The following SNX4 variants were observed in gnomAD, a reference collection of about 807,000 sequenced individuals.
SNX4 encodes the protein sorting nexin-4.
Under a neutral mutation model 70.8 loss-of-function variants are expected in SNX4, and 49 were observed. That is an observed-to-expected ratio of 0.69 (90% confidence interval 0.55 to 0.88). The LOEUF is 0.88. SNX4 is among the 40% of genes least tolerant of loss of function. The probability of loss-of-function intolerance (pLI) is 0.00; values close to 1 mark genes in which losing one functional copy is unlikely to be tolerated. For missense variants in SNX4, 528 were observed against 544.8 expected (o/e 0.97, Z 0.31); for synonymous variants, 206 against 183.8 (o/e 1.12, Z -0.98).
chr3:125,458,657 A>C (rs1933788521), intron 10 of SNX4, among the ~76,000 whole-genome samples: 1 of 151,672 alleles, frequency 6.6e-6, no homozygotes, highest in Non-Finnish European at 1.5e-5. Context: ...TCTACTAAAA[A>C]TACAAAAAAA....
chr3:125,458,141 T>C (rs1012168518), intron 10 of SNX4, among the ~76,000 whole-genome samples: 1 of 151,826 alleles, frequency 6.6e-6, no homozygotes, highest in East Asian at 1.9e-4. Flanking sequence ...AAAGTTTTCT[T>C]CTTTGTGATT....
Position 125,469,507 on chromosome 3 carries a change from G to A in SNX4, c.801C>T (p.Ala267=). ...NYGRVFSEWS[A]IEKEMGDGLQ... is the part of the protein sequence containing the mutation. Reference sequence around the variant, plus strand: ...GTCCATCACCCATTTCTTTTTCTATGGCACTCCATTCACTAGGGAGTAAAA... The same window carrying A: ...GTCCATCACCCATTTCTTTTTCTATAGCACTCCATTCACTAGGGAGTAAAA... The change falls in exon 9 of 14, where the codon GCC becomes GCT. Residue 267 remains alanine, a synonymous_variant. Transcript: ENST00000251775. 1 of 1,612,396 alleles carries A rather than the reference G, an allele frequency of 6.2e-7. No homozygotes were observed. The highest frequency in any genetic ancestry group is 8.5e-7 in the Non-Finnish European group (1 of 1,178,600).
At position 125,512,710 on chromosome 3, in the gene SNX4, G is replaced by A. The variant is rs978497308; in HGVS notation, c.141+7322C>T. Among the ~76,000 whole-genome samples, 3 of 152,028 alleles carry A rather than the reference G, an allele frequency of 2.0e-5. No individual in the cohort carries two copies. The South Asian group carries it at 6.2e-4, about 32-fold the overall frequency. Reference sequence around the variant, plus strand: ...AGGTATCGCTATGTTGCCTAGGCTGGTCTCAAACTCCCGGGCTCAAGCAAT... The same window carrying A: ...AGGTATCGCTATGTTGCCTAGGCTGATCTCAAACTCCCGGGCTCAAGCAAT... On this transcript the variant is annotated intron_variant, in intron 1 of 13. Coordinates refer to ENST00000251775, the MANE Select transcript of SNX4 (RefSeq NM_003794.4).
chr3:125,456,772 T>C (rs917166230), intron 11 of SNX4, among the ~76,000 whole-genome samples: 1 of 152,212 alleles, frequency 6.6e-6, no homozygotes, highest in Non-Finnish European at 1.5e-5. Context: ...GCAATTCTTC[T>C]GCCTCACCTT....
chr3:125,489,261 C>T lies in SNX4; in HGVS notation c.653+147G>A, dbSNP rs933179346. 3 of 604,478 alleles carry T rather than the reference C, an allele frequency of 5.0e-6. No individual in the cohort carries two copies. The African/African-American group carries it at 5.7e-5, about 12-fold the overall frequency. The allele number at this position is 604,478 out of a possible 1,614,324, so 37.4% of individuals were successfully genotyped here. A position where few individuals can be genotyped will look rare whatever the true frequency, so the allele number is the denominator to read the frequency against. On this transcript the variant is annotated intron_variant, in intron 6 of 13. Transcript: ENST00000251775. ...CAATCAAGTTATCAAATTTCAAATT[C>T]AGTTTTAGACTTTAAAAGGATTTCA...
At chr3:125,488,018 GC>G (rs1934569195) in intron 6 of SNX4, among the ~76,000 whole-genome samples, 2 of 151,916 alleles carry the variant, frequency 1.3e-5, no homozygotes, top group Admixed American at 1.3e-4. Flanking sequence ...AACAAACACA[GC>G]TCTCTGGTGT....
chr3:125,517,504 AG>A (rs1229324690), intron 1 of SNX4, among the ~76,000 whole-genome samples: 1 of 152,218 alleles, frequency 6.6e-6, no homozygotes, highest in Non-Finnish European at 1.5e-5. Context: ...AGAGAAGTGA[AG>A]GGATGTGAAG....
intron 10 of SNX4, among the ~76,000 whole-genome samples, chr3:125,459,982 C>G (rs2107529566): frequency 6.6e-6 from 1 of 151,936 alleles, no homozygotes; most frequent in South Asian, 2.1e-4. Flanking sequence ...TACCCGAGGT[C>G]AGGAGTTTGA....
At chr3:125,504,284 G>A (rs1934994716) in intron 2 of SNX4, among the ~76,000 whole-genome samples, 1 of 145,478 alleles carries the variant, frequency 6.9e-6, no homozygotes, top group African/African-American at 2.6e-5. Flanking sequence ...AGTGAGCCAA[G>A]ATCATGCCAC....
intron 2 of SNX4, 66 bp downstream of exon 2, chr3:125,504,557 T>A: frequency 6.9e-7 from 1 of 1,441,570 alleles, no homozygotes. Flanking sequence ...TACAGCAGAG[T>A]CTGCATCAAT....
intron 1 of SNX4, among the ~76,000 whole-genome samples, chr3:125,517,553 TGAGGGGAGAG>T (rs1328413413): frequency 1.3e-5 from 2 of 152,186 alleles, no homozygotes; most frequent in Non-Finnish European, 2.9e-5. Flanking sequence ...ATTTTCTCTT[TGAGGGGAGAG>T]GAGGGGAAGG....
chr3:125,450,579 T>C (rs764885981), intron 13 of SNX4, among the ~76,000 whole-genome samples: 10 of 152,236 alleles, frequency 6.6e-5, no homozygotes, highest in Non-Finnish European at 1.3e-4. Flanking sequence ...GCACTGGTAC[T>C]GGTAGTCACA....
In SNX4 at chr3:125,451,944, C is replaced by T. The variant is rs76531462; in HGVS notation, c.1191-525G>A. 1.5e-3 allele frequency among the ~76,000 whole-genome samples: 228 copies of T among 152,168 alleles called. 1 individual carries two copies. Among genetic ancestry groups the T allele is most frequent in the African/African-American group, 5.3e-3 (218 of 41,522 alleles). On this transcript the variant is annotated intron_variant, in intron 12 of 13. Transcript: ENST00000251775. The stretch of plus-strand genomic sequence containing the variant: ...CCTGGCCTAATAATCTAAGTTTTTG[C>T]CACAAGGATTCTACCTTTAAATTAT...
intron 7 of SNX4, among the ~76,000 whole-genome samples, chr3:125,479,710 G>A (rs1485492883): frequency 3.3e-5 from 5 of 152,068 alleles, no homozygotes; most frequent in Non-Finnish European, 5.9e-5. Flanking sequence ...AGACCAGAGC[G>A]GATGGTACAT....
At position 125,493,766 on chromosome 3, in the gene SNX4, T is replaced by A. The variant is rs577963557; in HGVS notation, c.597+3575A>T. Among the ~76,000 whole-genome samples the A allele has an allele frequency of 7.2e-5, 11 of 151,964 alleles. No individual in the cohort carries two copies. The East Asian group carries it at 2.1e-3, about 29-fold the overall frequency. On this transcript the variant is annotated intron_variant, in intron 5 of 13. Transcript: ENST00000251775. The stretch of plus-strand genomic sequence containing the variant: ...ATATTGCCAGCCAGGCAACAGTGGC[T>A]CACGCCTGTAATCCCAGCACTTTGG...
intron 2 of SNX4, among the ~76,000 whole-genome samples, chr3:125,502,820 C>T (rs536333186): frequency 3.0e-4 from 42 of 138,230 alleles, no homozygotes; most frequent in African/African-American, 1.1e-3. Context: ...CGCCACCGCA[C>T]TCTAGCCTGG....
At chr3:125,481,859 G>A (rs1283913772) in intron 6 of SNX4, among the ~76,000 whole-genome samples, 1 of 152,078 alleles carries the variant, frequency 6.6e-6, no homozygotes, top group African/African-American at 2.4e-5. Context: ...TTCACATGCT[G>A]GTAGTCCTCA....
chr3:125,489,407 C>T lies in SNX4; in HGVS notation c.653+1G>A. On this transcript the variant is annotated splice_donor_variant, in intron 6 of 13. Coordinates refer to ENST00000251775, the MANE Select transcript of SNX4 (RefSeq NM_003794.4). LOFTEE classifies it high-confidence loss of function. ...TAACTGTTATTAAAACAAAACCTTA[C>T]TTGTCTGGGTTTTTCACTCTGAATG... The T allele has an allele frequency of 6.2e-7, 1 of 1,610,740 alleles. No individual in the cohort carries two copies. Among genetic ancestry groups the T allele is most frequent in the Non-Finnish European group, 8.5e-7 (1 of 1,177,662 alleles).
In SNX4 at chr3:125,507,191, GAA is replaced by G. The variant is rs753584700; in HGVS notation, c.142-2449_142-2448del. Among the ~76,000 whole-genome samples the G allele has an allele frequency of 9.9e-3, 901 of 90,798 alleles. 9 individuals carry two copies. The highest frequency in any genetic ancestry group is 0.039 in the Middle Eastern group (7 of 178). The allele number at this position is 90,798 out of a possible 152,430, so 59.6% of individuals were successfully genotyped here. On this transcript the variant is annotated intron_variant, in intron 1 of 13. Transcript: ENST00000251775. ...CCACTGCACTCCAGCCTGGGTGATA[GAA>G]AAAAAAAAAAAAAAAAAAGAAACCA...
Sources: allele counts gnomAD v4.1 joint callset (sites outside exome capture counted in the v4.1 genomes callset), GRCh38; gene constraint gnomAD v4.1.1; transcripts MANE v1.5; gene names NCBI Gene and HGNC (gene_info 2026-07-23, HGNC 2026-07-21).